USP20: variants seen among roughly 807,000 people sequenced by gnomAD.
USP20 encodes ubiquitin carboxyl-terminal hydrolase 20.
USP20 carries 80 observed loss-of-function variants against 124.2 expected under a neutral mutation model. That is an observed-to-expected ratio of 0.64 (90% CI 0.54 to 0.78). USP20 has a LOEUF of 0.78. USP20 is among the 30% of genes least tolerant of loss of function. The pLI is 0.00. For missense variants in USP20, 1,043 were observed against 1,244.4 expected, an observed-to-expected ratio of 0.84 and a Z score of 2.44; for synonymous variants, 481 against 512.3, an observed-to-expected ratio of 0.94 and a Z score of 0.83.
intron 15 of USP20, among the ~76,000 whole-genome samples, chr9:129,871,936 G>C (rs1192015271): frequency 6.6e-6 from 1 of 152,012 alleles, no homozygotes; most frequent in African/African-American, 2.4e-5. Flanking sequence ...GGCTGGTCTT[G>C]AACTCCTGAC....
In USP20 at chr9:129,873,491, T is replaced by C; in HGVS notation, c.1670T>C (p.Met557Thr). Residue 557 changes from methionine (M) to threonine (T), a missense_variant, in exon 16 of 26, where the codon ATG becomes ACG. Coordinates refer to ENST00000372429, the MANE Select transcript of USP20 (RefSeq NM_001110303.4). ...FAADELKGDN[M>T]YSCERCKKLR... ...TGTTTTACTGCCCTAGGTGACAACA[T>C]GTACAGCTGTGAGCGGTGTAAGAAG... 2 of 1,614,210 alleles carry C rather than the reference T, an allele frequency of 1.2e-6. No homozygotes were observed. The highest frequency in any genetic ancestry group is 1.1e-5 in the South Asian group (1 of 91,088).
chr9:129,877,254 C>T (rs911677190), intron 22 of USP20, among the ~76,000 whole-genome samples: 1 of 152,198 alleles, frequency 6.6e-6, no homozygotes, highest in Non-Finnish European at 1.5e-5. Context: ...CATGGTGGCT[C>T]ACGCCTGTGA....
intron 10 of USP20, among the ~76,000 whole-genome samples, chr9:129,866,431 G>A (rs1051961167): frequency 6.6e-6 from 1 of 152,196 alleles, no homozygotes; most frequent in Non-Finnish European, 1.5e-5. Flanking sequence ...TCACCCACAC[G>A]TTACAGGTAA....
rs1339113439 is a variant in USP20, at chr9:129,861,507, G to A, written c.428-36G>A. On this transcript the variant is annotated intron_variant, in intron 7 of 25. Coordinates refer to ENST00000372429, the MANE Select transcript of USP20 (RefSeq NM_001110303.4). ...CAAGGTTTCCTCGGTGGGGCAGGGT[G>A]CTCACCTGCTCCTCCCCGTTGTGTT... 3 of 1,598,486 alleles carry A rather than the reference G, an allele frequency of 1.9e-6. No homozygotes were observed. In the East Asian group the frequency reaches 6.7e-5, roughly 36 times the overall value.
At chr9:129,866,913 C>T (rs566458802) in intron 10 of USP20, among the ~76,000 whole-genome samples, 47 of 152,290 alleles carry the variant, frequency 3.1e-4, no homozygotes, top group African/African-American at 1.1e-3. Context: ...GCAATGTAAC[C>T]TCGTGGTTCA....
chr9:129,879,695 C>T lies in USP20; in HGVS notation c.2584+51C>T. The T allele has an allele frequency of 6.2e-7, 1 of 1,601,306 alleles. No individual in the cohort carries two copies. Among genetic ancestry groups the T allele is most frequent in the Non-Finnish European group, 8.6e-7 (1 of 1,168,938 alleles). ...GCTCCTCTCTGCCCTTCCTGGCTGC[C>T]AGGCTGCTGCCCAGTCCCGTCCTTC... On this transcript the variant is annotated intron_variant, in intron 24 of 25. Coordinates refer to ENST00000372429, the MANE Select transcript of USP20 (RefSeq NM_001110303.4). This position sits in a 1 kb window ranked among gnomAD's most constrained non-coding sequence, Gnocchi z 4.2.
Position 129,856,296 on chromosome 9 carries a change from A to G in USP20, c.82-11A>G, listed in dbSNP as rs1334684614. On this transcript the variant is annotated splice_polypyrimidine_tract_variant and intron_variant, in intron 3 of 25. Coordinates refer to ENST00000372429, the MANE Select transcript of USP20 (RefSeq NM_001110303.4). ...ATGCCTGCTCTTTTTCTCTCCTCTC[A>G]ACTCACACAGGGAACCTGTCAGTCG... 4 of 1,614,024 alleles carry G rather than the reference A, an allele frequency of 2.5e-6. No individual in the cohort carries two copies. Among genetic ancestry groups the G allele is most frequent in the Non-Finnish European group, 3.4e-6 (4 of 1,179,908 alleles).
At chr9:129,853,142 C>A (rs562963164) in intron 3 of USP20, among the ~76,000 whole-genome samples, 1 of 151,982 alleles carries the variant, frequency 6.6e-6, no homozygotes. Context: ...CCCCTGTGCC[C>A]ACCCTCCCCA....
chr9:129,856,218 G>C, intron 3 of USP20, 89 bp from the exon 4 acceptor site: 2 of 1,337,656 alleles, frequency 1.5e-6, no homozygotes, highest in East Asian at 4.6e-5. Flanking sequence ...TCAGCCAGGT[G>C]GGGCCCTCCA....
intron 1 of USP20, among the ~76,000 whole-genome samples, chr9:129,836,706 C>T (rs2031862204): frequency 6.6e-6 from 1 of 152,158 alleles, no homozygotes; most frequent in African/African-American, 2.4e-5. Context: ...ATAGTAGACT[C>T]GGGACTTCTT....
rs555764375 is a variant in USP20, at chr9:129,879,157, G to A, written c.2513-416G>A. 1.3e-4 allele frequency among the ~76,000 whole-genome samples: 20 copies of A among 152,382 alleles called. No homozygotes were observed. The highest frequency in any genetic ancestry group is 2.5e-4 in the Non-Finnish European group (17 of 68,036). ...CCGGAGCCCTCGCCCTGGCCTGGAC[G>A]CTGGCCTTGCCTTCTACCAGCTATG... is the stretch of plus-strand genomic sequence containing the variant. On this transcript the variant is annotated intron_variant, in intron 23 of 25. Transcript: ENST00000372429. The surrounding 1 kb of genome is among the most constrained non-coding windows in gnomAD (Gnocchi z 4.2).
Position 129,852,601 on chromosome 9 carries a change from G to T in USP20, c.46G>T (p.Glu16Ter). Residue 16 changes from glutamate (E) to a stop codon, truncating the protein, a stop_gained, in exon 3 of 26, where the codon GAG becomes TAG. Transcript: ENST00000372429. LOFTEE classifies it high-confidence loss of function. ...DLCPHLDSIG[E>*]VTKEDLLLKS... The stretch of plus-strand genomic sequence containing the variant: ...TTGCCCTCACCTTGACTCCATAGGA[G>T]AGGTGACCAAAGAGGACTTGCTGCT... 6.3e-7 allele frequency: 1 copy of T among 1,599,898 alleles called. No individual in the cohort carries two copies. The highest frequency in any genetic ancestry group is 1.7e-5 in the Admixed American group (1 of 58,304).
chr9:129,871,086 C>A (rs1460668201), intron 15 of USP20, among the ~76,000 whole-genome samples: 1 of 152,068 alleles, frequency 6.6e-6, no homozygotes, highest in African/African-American at 2.4e-5. Context: ...GTGTTAAATA[C>A]ATGCACATGG....
At chr9:129,835,943 AAAT>A (rs2031799408) in intron 1 of USP20, 1 of 152,128 alleles carries the variant, frequency 6.6e-6, no homozygotes, top group African/African-American at 2.4e-5. Context: ...ACTGCCTCAC[AAAT>A]AATGGCCCCC....
chr9:129,861,169 T>G, intron 7 of USP20, 136 bp downstream of exon 7: 1 of 836,868 alleles, frequency 1.2e-6, no homozygotes, highest in East Asian at 2.5e-5. Flanking sequence ...GGATAAGCTG[T>G]TTAGCATGGT....
rs182914258 is a variant in USP20 at position 129,858,508 on chromosome 9, A to G, written c.240A>G (p.Arg80=). Residue 80 remains arginine, a synonymous_variant, in exon 6 of 26, where the codon CGA becomes CGG. Transcript: ENST00000372429. Reference sequence around the variant, plus strand: ...TGACCGTGAACCTGACCACGTTCCGACTGTGGTGTTACGCCTGTGAGAAGG... The same window carrying G: ...TGACCGTGAACCTGACCACGTTCCGGCTGTGGTGTTACGCCTGTGAGAAGG... ...HNLTVNLTTF[R]LWCYACEKEV... 6 of 1,614,140 alleles carry G rather than the reference A, an allele frequency of 3.7e-6. No homozygotes were observed. The East Asian group carries it at 1.1e-4, about 30-fold the overall frequency.
intron 1 of USP20, among the ~76,000 whole-genome samples, chr9:129,837,901 A>C (rs1015242442): frequency 4.6e-5 from 7 of 152,142 alleles, no homozygotes; most frequent in Non-Finnish European, 1.0e-4. Context: ...CCCTGAACTC[A>C]AGTCCTGATT....
chr9:129,863,084 C>T, intron 8 of USP20, 102 bp from the exon 9 acceptor site: 1 of 821,490 alleles, frequency 1.2e-6, no homozygotes, highest in East Asian at 2.9e-5. Flanking sequence ...GGCCACTGTG[C>T]TCCCTGTGCG....
intron 15 of USP20, among the ~76,000 whole-genome samples, chr9:129,873,080 C>CTTCT (rs1463874554): frequency 2.6e-5 from 2 of 78,366 alleles, no homozygotes; most frequent in Non-Finnish European, 4.7e-5. Flanking sequence ...TTTTCTTCTT[C>CTTCT]TTTTTTTTTT....
Sources: gnomAD v4.1 joint callset for allele counts (sites outside exome capture counted in the v4.1 genomes callset) on GRCh38, gnomAD v4.1.1 for gene constraint, Gnocchi (gnomAD v3.1) non-coding constraint, MANE v1.5 for transcripts, NCBI Gene and HGNC (gene_info 2026-07-23, HGNC 2026-07-21) for gene names.